The following LDAH variants were observed in gnomAD, a reference collection of about 807,000 sequenced individuals.
LDAH encodes lipid droplet associated hydrolase, also known as lipid droplet-associated hydrolase.
A neutral mutation model predicts 29.6 loss-of-function variants in LDAH; 26 were observed. The observed-to-expected ratio is 0.88, with a 90% confidence interval of 0.64 to 1.22. LDAH has a LOEUF of 1.22. Ranked by LOEUF, LDAH falls within the 50% of genes most tolerant of loss-of-function variation. The probability of loss-of-function intolerance (pLI) is 0.00; values close to 1 mark genes in which losing one functional copy is unlikely to be tolerated. For missense variants in LDAH, 344 were observed against 387.3 expected (o/e 0.89, Z 0.94); for synonymous variants, 117 against 133.0 (o/e 0.88, Z 0.83).
At position 20,702,542 on chromosome 2, in the gene LDAH, G is replaced by A. The variant is rs183848935; in HGVS notation, c.704-890C>T. On this transcript the variant is annotated intron_variant, in intron 5 of 6. Coordinates refer to ENST00000237822, the MANE Select transcript of LDAH (RefSeq NM_021925.4). ...AGTCATCTTGCTTTATATACCCTACGCTTTCTTGTTATTTCTGCCTCTTAT... is the reference window on the plus strand; with the variant it reads ...AGTCATCTTGCTTTATATACCCTACACTTTCTTGTTATTTCTGCCTCTTAT... Among the ~76,000 whole-genome samples, 240 of 152,152 alleles carry A rather than the reference G, an allele frequency of 1.6e-3. 2 individuals are homozygous for A. Among genetic ancestry groups the A allele is most frequent in the Non-Finnish European group, 4.3e-4 (29 of 67,992 alleles).
chr2:20,734,083 G>C (rs1161690449), intron 5 of LDAH, among the ~76,000 whole-genome samples: 1 of 152,038 alleles, frequency 6.6e-6, no homozygotes, highest in Non-Finnish European at 1.5e-5. Flanking sequence ...AATTTTCTTT[G>C]CACTGAAATC....
rs555969297 is a variant in LDAH at position 20,812,335 on chromosome 2, T to G, written c.-3+10702A>C. ...CCAAAGTTTCTGCCCTGGATTCCCT[T>G]CTCTATATGCTCTCCCCTGGAGATT... On this transcript the variant is annotated intron_variant, in intron 1 of 6. Transcript: ENST00000237822. Among the ~76,000 whole-genome samples, 7 of 152,306 alleles carry G rather than the reference T, an allele frequency of 4.6e-5. No homozygotes were observed. In the South Asian group the frequency reaches 1.5e-3, roughly 32 times the overall value.
intron 3 of LDAH, among the ~76,000 whole-genome samples, chr2:20,784,593 AT>A (rs986415395): frequency 2.7e-5 from 4 of 150,192 alleles, no homozygotes; most frequent in Non-Finnish European, 4.5e-5. Context: ...TATTAAAAAA[AT>A]TTTTTTTTGG....
intron 1 of LDAH, among the ~76,000 whole-genome samples, chr2:20,820,717 T>C (rs1159904883): frequency 7.0e-6 from 1 of 142,512 alleles, no homozygotes; most frequent in African/African-American, 2.6e-5. Flanking sequence ...AAGGACTTCA[T>C]GTCTAAAACA....
chr2:20,716,714 CT>C (rs1367667199), intron 5 of LDAH, among the ~76,000 whole-genome samples: 1 of 116,628 alleles, frequency 8.6e-6, no homozygotes, highest in African/African-American at 2.8e-5. Context: ...TACCCTAGAA[CT>C]TTAAGTATAT....
At chr2:20,788,993 C>G (rs532734381) in intron 3 of LDAH, 2 of 805,504 alleles carry the variant, frequency 2.5e-6, no homozygotes, top group Non-Finnish European at 3.9e-6. Flanking sequence ...AGTCCTGGCT[C>G]TCTCTCCAGC....
At chr2:20,747,876 CTG>C (rs1667685695) in intron 4 of LDAH, among the ~76,000 whole-genome samples, 1 of 152,110 alleles carries the variant, frequency 6.6e-6, no homozygotes, top group Non-Finnish European at 1.5e-5. Flanking sequence ...GAAGAGAAAA[CTG>C]AGGTTCAGCC....
At chr2:20,745,511 T>G (rs1221533809) in intron 4 of LDAH, among the ~76,000 whole-genome samples, 2 of 152,194 alleles carry the variant, frequency 1.3e-5, no homozygotes, top group African/African-American at 4.8e-5. Flanking sequence ...GACAGTAGAA[T>G]AGATTTCAAG....
intron 4 of LDAH, among the ~76,000 whole-genome samples, chr2:20,747,826 T>C (rs1667682808): frequency 6.6e-6 from 1 of 152,180 alleles, no homozygotes; most frequent in East Asian, 1.9e-4. Context: ...TTGTTTCATT[T>C]AATACACATA....
At chr2:20,801,645 A>C (rs763116165) in intron 1 of LDAH, among the ~76,000 whole-genome samples, 180 bp from the exon 2 acceptor site, 25 of 152,306 alleles carry the variant, frequency 1.6e-4, no homozygotes, top group South Asian at 2.1e-4. Flanking sequence ...CAAGACACGT[A>C]AAACAAGCCA....
At chr2:20,820,146 T>C (rs1200415678) in intron 1 of LDAH, among the ~76,000 whole-genome samples, 1 of 152,072 alleles carries the variant, frequency 6.6e-6, no homozygotes, top group Non-Finnish European at 1.5e-5. Context: ...CATTCCATGC[T>C]CATGGATAGG....
intron 4 of LDAH, among the ~76,000 whole-genome samples, chr2:20,769,933 A>C (rs1669291163): frequency 6.6e-6 from 1 of 152,224 alleles, no homozygotes. Context: ...AGTACTTAAC[A>C]CTGAGAGAGG....
At position 20,685,581 on chromosome 2, in the gene LDAH, C is replaced by T. The variant is rs1209150817; in HGVS notation, c.*1322G>A. ...GGCAGCAAATCAGAGCCAAATCTTT[C>T]ATCAGGGGGCTTTAGGATTTGAGCG... On this transcript the variant is annotated 3_prime_UTR_variant, in exon 7 of 7. Transcript: ENST00000237822. 3.9e-6 allele frequency: 6 copies of T among 1,550,354 alleles called. No individual in the cohort carries two copies. Among genetic ancestry groups the T allele is most frequent in the Non-Finnish European group, 4.4e-6 (5 of 1,146,982 alleles).
intron 1 of LDAH, among the ~76,000 whole-genome samples, chr2:20,809,035 T>C (rs1031803168): frequency 1.3e-5 from 2 of 152,114 alleles, no homozygotes; most frequent in African/African-American, 4.8e-5. Context: ...CATTGGAACA[T>C]ACCTTTATGA....
At chr2:20,744,868 C>A (rs1352483399) in intron 4 of LDAH, among the ~76,000 whole-genome samples, 3 of 152,056 alleles carry the variant, frequency 2.0e-5, no homozygotes, top group African/African-American at 7.2e-5. Flanking sequence ...GGTTTTTCTA[C>A]CATGGCACTG....
At chr2:20,752,846 C>T (rs992783582) in intron 4 of LDAH, among the ~76,000 whole-genome samples, 1 of 152,226 alleles carries the variant, frequency 6.6e-6, no homozygotes, top group African/African-American at 2.4e-5. Context: ...TATTCCCTGA[C>T]TTATGGCCTC....
At chr2:20,737,737 C>T (rs989197660) in intron 5 of LDAH, among the ~76,000 whole-genome samples, 2 of 152,048 alleles carry the variant, frequency 1.3e-5, no homozygotes, top group Non-Finnish European at 2.9e-5. Context: ...TTTTCAGAGG[C>T]GTGTGAACCA....
chr2:20,759,643 GA>G (rs1254014615), intron 4 of LDAH, among the ~76,000 whole-genome samples: 1 of 152,106 alleles, frequency 6.6e-6, no homozygotes, highest in Non-Finnish European at 1.5e-5. Context: ...GACCTAGAAA[GA>G]AGCTTCTATC....
intron 5 of LDAH, among the ~76,000 whole-genome samples, chr2:20,734,475 A>G (rs1666644283): frequency 6.6e-6 from 1 of 152,180 alleles, no homozygotes. Flanking sequence ...TCTAGGTACT[A>G]CATTACATAT....
Sources: gnomAD v4.1 joint callset for allele counts (sites outside exome capture counted in the v4.1 genomes callset) on GRCh38, gnomAD v4.1.1 for gene constraint, MANE v1.5 for transcripts, NCBI Gene and HGNC (gene_info 2026-07-23, HGNC 2026-07-21) for gene names.